Variants in NKAIN3 observed in about 807,000 individuals in gnomAD.
NKAIN3 encodes sodium/potassium-transporting ATPase subunit beta-1-interacting protein 3.
In NKAIN3, 25 loss-of-function variants were observed where a neutral mutation model predicts 30.2. The ratio of observed to expected loss-of-function variants is 0.83; its 90% CI spans 0.60 to 1.16. NKAIN3 has a LOEUF of 1.16. Ranked by LOEUF, NKAIN3 falls within the 50% of genes most tolerant of loss-of-function variation. NKAIN3 has a pLI of 0.00. For missense variants in NKAIN3, 225 were observed against 254.1 expected (o/e 0.89, Z 0.78); for synonymous variants, 91 against 89.6 (o/e 1.02, Z -0.09).
chr8:62,306,950 T>A (rs1385374669), intron 1 of NKAIN3, among the ~76,000 whole-genome samples: 1 of 150,252 alleles, frequency 6.7e-6, no homozygotes, highest in African/African-American at 2.5e-5. Context: ...TCTGCAACAG[T>A]TTTATTTCTC....
intron 1 of NKAIN3, among the ~76,000 whole-genome samples, chr8:62,444,237 T>C (rs1303678693): frequency 6.6e-6 from 1 of 152,188 alleles, no homozygotes; most frequent in Non-Finnish European, 1.5e-5. Context: ...ATCTTTTCTT[T>C]ATGCTAGTAA....
At chr8:62,828,884 TGTGA>T (rs1341367977) in intron 4 of NKAIN3, among the ~76,000 whole-genome samples, 1 of 152,152 alleles carries the variant, frequency 6.6e-6, no homozygotes, top group East Asian at 1.9e-4. Context: ...TTGCCAGACA[TGTGA>T]GTGAGTGAGG....
chr8:62,611,865 A>T (rs1361430538), intron 3 of NKAIN3, among the ~76,000 whole-genome samples: 2 of 152,050 alleles, frequency 1.3e-5, no homozygotes, highest in African/African-American at 4.8e-5. Context: ...GAACCTTTAA[A>T]TTGTTCTCCA....
In NKAIN3 at chr8:62,969,461, A is replaced by G. The variant is rs1823784822; in HGVS notation, c.*4054A>G. Among the ~76,000 whole-genome samples the G allele has an allele frequency of 6.6e-6, 1 of 152,230 alleles. No homozygotes were observed. The highest frequency in any genetic ancestry group is 2.1e-4 in the South Asian group (1 of 4,836). ...TCTTGCCAAGAATAAACAAATCTTC[A>G]TTTCATACCTAATTTTAAAACGAAT... On this transcript the variant is annotated 3_prime_UTR_variant, in exon 7 of 7. Coordinates refer to ENST00000623646, the MANE Select transcript of NKAIN3 (RefSeq NM_001304533.3).
chr8:62,298,983 A>G (rs909443517), intron 1 of NKAIN3, among the ~76,000 whole-genome samples: 3 of 151,758 alleles, frequency 2.0e-5, no homozygotes, highest in Non-Finnish European at 4.4e-5. Flanking sequence ...TCCTATCACA[A>G]TACAGCAGGT....
chr8:62,539,332 G>A (rs776916676), intron 1 of NKAIN3, among the ~76,000 whole-genome samples: 7 of 152,186 alleles, frequency 4.6e-5, no homozygotes, highest in Non-Finnish European at 8.8e-5. Context: ...CCAAAACAAT[G>A]AAGGGAAACT....
intron 4 of NKAIN3, among the ~76,000 whole-genome samples, chr8:62,811,592 T>C (rs1023456323): frequency 2.0e-5 from 3 of 150,056 alleles, no homozygotes; most frequent in East Asian, 2.0e-4. Context: ...TAATATATCA[T>C]TGTGGTTTTA....
At chr8:62,574,274 C>A (rs1463002541) in intron 1 of NKAIN3, among the ~76,000 whole-genome samples, 2 of 152,056 alleles carry the variant, frequency 1.3e-5, no homozygotes, top group Admixed American at 1.3e-4. Context: ...GCCACATTTT[C>A]TTTATCCTTT....
intron 1 of NKAIN3, among the ~76,000 whole-genome samples, chr8:62,492,794 G>A (rs571584246): frequency 5.3e-5 from 8 of 152,094 alleles, no homozygotes; most frequent in South Asian, 4.2e-4. Flanking sequence ...GAGATTGCTC[G>A]GTCCAGTGGT....
At chr8:62,739,622 T>C (rs1435519774) in intron 3 of NKAIN3, among the ~76,000 whole-genome samples, 2 of 152,172 alleles carry the variant, frequency 1.3e-5, no homozygotes, top group African/African-American at 4.8e-5. Context: ...ATGAACTTTT[T>C]AAAGATCCCT....
chr8:62,965,263 A>T (rs1823677474), intron 6 of NKAIN3, 91 bp from the exon 7 acceptor site: 2 of 983,738 alleles, frequency 2.0e-6, no homozygotes, highest in Non-Finnish European at 2.4e-6. Flanking sequence ...CCCAGGAGCT[A>T]TTTTGCATTT....
At chr8:62,893,979 C>T (rs4368971) in intron 4 of NKAIN3, among the ~76,000 whole-genome samples, 117,447 of 152,098 alleles carry the variant, frequency 0.77, 46,176 homozygotes, top group East Asian at 0.93. Context: ...CCCAGGATAC[C>T]GGACATAAAA....
intron 1 of NKAIN3, among the ~76,000 whole-genome samples, chr8:62,339,186 C>T (rs1815661868): frequency 6.6e-6 from 1 of 151,832 alleles, no homozygotes; most frequent in East Asian, 1.9e-4. Context: ...CAACTGAAAC[C>T]CCAGAATGAG....
chr8:62,267,738 A>T (rs565181697), intron 1 of NKAIN3, among the ~76,000 whole-genome samples: 1 of 152,226 alleles, frequency 6.6e-6, no homozygotes, highest in Non-Finnish European at 1.5e-5. Flanking sequence ...TTTTGGTCAT[A>T]GGAAGCAGAG....
At chr8:62,732,557 G>GTAT (rs10642515) in intron 3 of NKAIN3, among the ~76,000 whole-genome samples, 88,493 of 151,570 alleles carry the variant, frequency 0.58, 27,979 homozygotes, top group Non-Finnish European at 0.73. Context: ...CTAGCTGCAT[G>GTAT]TATTAGATCA....
Position 62,320,431 on chromosome 8 carries a change from T to C in NKAIN3, c.54+71304T>C, listed in dbSNP as rs965967145. Among the ~76,000 whole-genome samples, 8 of 152,290 alleles carry C rather than the reference T, an allele frequency of 5.3e-5. No homozygotes were observed. The East Asian group carries it at 5.8e-4, about 11-fold the overall frequency. ...TGATGCAGTTTCTTCCTAGCCTCGA[T>C]GGTCTTTACAATTTGGCATGTTTTT... On this transcript the variant is annotated intron_variant, in intron 1 of 6. Coordinates refer to ENST00000623646, the MANE Select transcript of NKAIN3 (RefSeq NM_001304533.3).
intron 1 of NKAIN3, among the ~76,000 whole-genome samples, chr8:62,265,678 G>A (rs1036477573): frequency 5.3e-5 from 8 of 152,032 alleles, no homozygotes; most frequent in African/African-American, 9.7e-5. Flanking sequence ...AAGTAGAATC[G>A]CTGGAAAGCT....
intron 4 of NKAIN3, among the ~76,000 whole-genome samples, chr8:62,903,983 A>G (rs1367884029): frequency 1.3e-5 from 2 of 152,204 alleles, no homozygotes; most frequent in African/African-American, 4.8e-5. Flanking sequence ...TTACAATTCA[A>G]GGTGAGATTT....
chr8:62,670,316 A>G (rs1025913774), intron 3 of NKAIN3, among the ~76,000 whole-genome samples: 1 of 152,168 alleles, frequency 6.6e-6, no homozygotes, highest in African/African-American at 2.4e-5. Flanking sequence ...TACTTGCAAT[A>G]TAAAGAACAT....
Sources: gnomAD v4.1 joint callset for allele counts (sites outside exome capture counted in the v4.1 genomes callset) on GRCh38, gnomAD v4.1.1 for gene constraint, MANE v1.5 for transcripts, NCBI Gene and HGNC (gene_info 2026-07-23, HGNC 2026-07-21) for gene names.